Variants in KIAA0232 observed in about 807,000 individuals in gnomAD.
KIAA0232 encodes uncharacterized protein KIAA0232.
In KIAA0232, 27 loss-of-function variants were observed where a neutral mutation model predicts 122.0. The observed-to-expected ratio is 0.22, with a 90% CI of 0.16 to 0.31. The LOEUF is 0.31. Ranked by LOEUF, KIAA0232 falls within the 10% of genes least tolerant of loss-of-function variation. The probability of loss-of-function intolerance (pLI) is 1.00; values close to 1 mark genes in which losing one functional copy is unlikely to be tolerated. For missense variants in KIAA0232, 1,551 were observed against 1,634.2 expected (o/e 0.95, Z 0.88); for synonymous variants, 613 against 587.6 (o/e 1.04, Z -0.63).
In KIAA0232 at chr4:6,782,763, T is replaced by TCGGCAGCCGCCCGCAGCC. The variant is rs1219264891; in HGVS notation, c.-430_-413dup. On this transcript the variant is annotated 5_prime_UTR_variant, in exon 1 of 10. Transcript: ENST00000307659. ...GGCGCAGGCCAGGGCCGCCCGGCGC[T>TCGGCAGCCGCCCGCAGCC]CGGCAGCCGCCCGCAGCCCCTCGGA... 1.3e-5 allele frequency: 2 copies of TCGGCAGCCGCCCGCAGCC among 148,280 alleles called. No homozygotes were observed. The highest frequency in any genetic ancestry group is 3.0e-5 in the Non-Finnish European group (2 of 66,718). 9.2% of individuals were successfully genotyped at this position (148,280 alleles called of 1,614,324 possible).
At chr4:6,840,984 T>C (rs751371876) in intron 3 of KIAA0232, among the ~76,000 whole-genome samples, 6 of 152,146 alleles carry the variant, frequency 3.9e-5, no homozygotes, top group Non-Finnish European at 8.8e-5. Flanking sequence ...CATTAAGCCT[T>C]AAAAAAACAG....
intron 4 of KIAA0232, among the ~76,000 whole-genome samples, chr4:6,842,762 A>T (rs535402953): frequency 6.6e-6 from 1 of 151,620 alleles, no homozygotes; most frequent in Non-Finnish European, 1.5e-5. Context: ...ATTTTTTTGC[A>T]TTTTTTAGTA....
chr4:6,858,399 C>G, intron 5 of KIAA0232, 26 bp from the exon 6 acceptor site: 2 of 1,408,042 alleles, frequency 1.4e-6, no homozygotes, highest in East Asian at 2.3e-5. Context: ...TAAGACAAAT[C>G]TTTCTTAATT....
intron 9 of KIAA0232, among the ~76,000 whole-genome samples, chr4:6,879,954 T>C (rs1285109197): frequency 1.2e-4 from 10 of 80,926 alleles, no homozygotes; most frequent in Non-Finnish European, 1.9e-4. Flanking sequence ...CAGTGCCCCC[T>C]CACCATCTGT....
intron 9 of KIAA0232, among the ~76,000 whole-genome samples, chr4:6,879,469 C>T (rs1721937461): frequency 6.6e-6 from 1 of 152,194 alleles, no homozygotes; most frequent in South Asian, 2.1e-4. Flanking sequence ...CTCTACAGCC[C>T]TGTATGTTTT....
At chr4:6,877,189 G>A (rs1046147869) in intron 9 of KIAA0232, among the ~76,000 whole-genome samples, 2 of 152,038 alleles carry the variant, frequency 1.3e-5, no homozygotes, top group Non-Finnish European at 2.9e-5. Flanking sequence ...CCGCTGTCCC[G>A]GCTTCTGCAG....
At chr4:6,821,218 T>G (rs2109019905) in intron 2 of KIAA0232, among the ~76,000 whole-genome samples, 1 of 152,290 alleles carries the variant, frequency 6.6e-6, no homozygotes, top group Non-Finnish European at 1.5e-5. Flanking sequence ...ATTTTTTGCT[T>G]TTTATTTTTA....
chr4:6,863,273 C>A lies in KIAA0232; in HGVS notation c.2891C>A (p.Ser964Tyr). 2 of 1,614,158 alleles carry A rather than the reference C, an allele frequency of 1.2e-6. No homozygotes were observed. The highest frequency in any genetic ancestry group is 1.7e-6 in the Non-Finnish European group (2 of 1,180,034). The change falls in exon 7 of 10, where the codon TCT becomes TAT. Residue 964 changes from serine to tyrosine, a missense_variant. Coordinates refer to ENST00000307659, the MANE Select transcript of KIAA0232 (RefSeq NM_014743.3). ...TKGSLLQCAASDVVTIAGTDV... is the reference protein window; with the variant it reads ...TKGSLLQCAAYDVVTIAGTDV... ...GGAAGTCTGTTACAGTGTGCAGCTT[C>A]TGATGTTGTGACGATAGCTGGTACA...
intron 1 of KIAA0232, among the ~76,000 whole-genome samples, chr4:6,799,933 T>TC (rs1050673859): frequency 5.3e-5 from 8 of 150,876 alleles, no homozygotes; most frequent in African/African-American, 2.0e-4. Flanking sequence ...GACATCATGA[T>TC]CCCCCCGCCT....
At chr4:6,823,319 G>A (rs1451581031) in intron 2 of KIAA0232, among the ~76,000 whole-genome samples, 2 of 152,064 alleles carry the variant, frequency 1.3e-5, no homozygotes, top group Non-Finnish European at 2.9e-5. Context: ...GGGTCAAATG[G>A]TATTTCTAGT....
rs745480005 is a variant in KIAA0232, at chr4:6,861,636, T to C, written c.1254T>C (p.Ser418=). Residue 418 remains serine (S), a synonymous_variant, in exon 7 of 10, where the codon AGT becomes AGC. Transcript: ENST00000307659. ...ATTTTGTTCCTCTGAGCAGAAAAAG[T>C]AAACTAGAGACCACATACCGAAACA... ...AEYFVPLSRK[S]KLETTYRNRQ... The C allele has an allele frequency of 5.6e-6, 9 of 1,613,902 alleles. No homozygotes were observed. In the African/African-American group the frequency reaches 9.3e-5, roughly 17 times the overall value.
At chr4:6,869,592 A>G (rs1721363710) in intron 7 of KIAA0232, among the ~76,000 whole-genome samples, 1 of 152,242 alleles carries the variant, frequency 6.6e-6, no homozygotes. Flanking sequence ...TAATAGCAGT[A>G]CCAATTTTTA....
At chr4:6,788,039 T>A (rs1577350509) in intron 1 of KIAA0232, among the ~76,000 whole-genome samples, 1 of 152,174 alleles carries the variant, frequency 6.6e-6, no homozygotes, top group Non-Finnish European at 1.5e-5. Flanking sequence ...ATCTCTTCTT[T>A]TTCGTTTTTG....
intron 2 of KIAA0232, among the ~76,000 whole-genome samples, chr4:6,815,358 C>T (rs1718071266): frequency 6.6e-6 from 1 of 152,158 alleles, no homozygotes; most frequent in Admixed American, 6.5e-5. Flanking sequence ...AACCAACATA[C>T]CTAGGAGTCT....
At chr4:6,865,474 T>A (rs372377675) in intron 7 of KIAA0232, among the ~76,000 whole-genome samples, 1 of 152,238 alleles carries the variant, frequency 6.6e-6, no homozygotes, top group African/African-American at 2.4e-5. Flanking sequence ...TAATTATTTG[T>A]ATTTTTAGTA....
intron 4 of KIAA0232, among the ~76,000 whole-genome samples, chr4:6,845,939 C>G (rs1483095467): frequency 6.6e-6 from 1 of 152,074 alleles, no homozygotes; most frequent in Non-Finnish European, 1.5e-5. Flanking sequence ...GAGGTAGAAA[C>G]AGTGCAAGGG....
intron 2 of KIAA0232, among the ~76,000 whole-genome samples, chr4:6,814,686 C>T (rs1429801648): frequency 6.6e-6 from 1 of 151,812 alleles, no homozygotes; most frequent in Non-Finnish European, 1.5e-5. Flanking sequence ...AAACAATGAC[C>T]CTGGGAAGCT....
At chr4:6,814,079 C>T (rs945195591) in intron 2 of KIAA0232, among the ~76,000 whole-genome samples, 1 of 152,146 alleles carries the variant, frequency 6.6e-6, no homozygotes, top group African/African-American at 2.4e-5. Context: ...ACTAGGTGTA[C>T]AACTGCAAGT....
Position 6,881,941 on chromosome 4 carries a change from G to A in KIAA0232, c.*975G>A, listed in dbSNP as rs550824455. ...CTTGGCTGTGATGTAGTATAGCTTC[G>A]ATCTCATTTTGTGTTTGAGAGAATG... On this transcript the variant is annotated 3_prime_UTR_variant, in exon 10 of 10. Coordinates refer to ENST00000307659, the MANE Select transcript of KIAA0232 (RefSeq NM_014743.3). The A allele has an allele frequency of 2.0e-5, 3 of 152,626 alleles. No individual in the cohort carries two copies. The highest frequency in any genetic ancestry group is 2.9e-5 in the Non-Finnish European group (2 of 68,040). 9.5% of individuals were successfully genotyped at this position (152,626 alleles called of 1,614,324 possible).
Sources: allele counts gnomAD v4.1 joint callset (sites outside exome capture counted in the v4.1 genomes callset), GRCh38; gene constraint gnomAD v4.1.1; transcripts MANE v1.5; gene names NCBI Gene and HGNC (gene_info 2026-07-23, HGNC 2026-07-21).